Variants in USP37 observed in about 807,000 individuals in gnomAD.
The protein encoded by USP37 is ubiquitin carboxyl-terminal hydrolase 37.
In USP37, 27 loss-of-function variants were observed where a neutral mutation model predicts 124.0. The observed-to-expected ratio is 0.22, with a 90% CI of 0.16 to 0.30. The LOEUF (loss-of-function observed/expected upper bound fraction) is 0.30. USP37 is among the 10% of genes least tolerant of loss of function. The probability of loss-of-function intolerance (pLI) is 1.00; values close to 1 mark genes in which losing one functional copy is unlikely to be tolerated. For missense variants in USP37, 889 were observed against 1,140.4 expected, an observed-to-expected ratio of 0.78 and a Z score of 3.17; for synonymous variants, 365 against 388.0, an observed-to-expected ratio of 0.94 and a Z score of 0.70.
chr2:218,467,175 C>A (rs1269615761), intron 20 of USP37, among the ~76,000 whole-genome samples: 1 of 151,334 alleles, frequency 6.6e-6, no homozygotes, highest in African/African-American at 2.4e-5. Flanking sequence ...ATCCCCTCCC[C>A]CCTCCTCCCT....
intron 2 of USP37, among the ~76,000 whole-genome samples, chr2:218,562,456 C>T (rs1330418906): frequency 6.6e-6 from 1 of 152,130 alleles, no homozygotes; most frequent in African/African-American, 2.4e-5. Flanking sequence ...CTCAAAGCAA[C>T]AATATTAGCA....
At chr2:218,565,563 T>C (rs1317177725) in intron 1 of USP37, among the ~76,000 whole-genome samples, 1 of 152,184 alleles carries the variant, frequency 6.6e-6, no homozygotes, top group African/African-American at 2.4e-5. Context: ...TCCTCTAACT[T>C]TTCAGAATGA....
At chr2:218,480,398 CAAAAAAAAAAAAAAA>C (rs397868988) in intron 17 of USP37, among the ~76,000 whole-genome samples, 5 of 48,830 alleles carry the variant, frequency 1.0e-4, no homozygotes, top group Admixed American at 3.0e-4. Flanking sequence ...GACTCCGTCT[CAAAAAAAAAAAAAAA>C]AAAAAAAAAA....
chr2:218,492,745 G>A (rs903190968), intron 14 of USP37, among the ~76,000 whole-genome samples: 4 of 152,130 alleles, frequency 2.6e-5, no homozygotes, highest in Admixed American at 6.6e-5. Context: ...AGTGGCTTAC[G>A]CCTGTAAACT....
chr2:218,566,171 A>C (rs1428974929), intron 1 of USP37, among the ~76,000 whole-genome samples: 1 of 152,236 alleles, frequency 6.6e-6, no homozygotes, highest in East Asian at 1.9e-4. Context: ...CTTCCCTGAG[A>C]AGGTATCACT....
chr2:218,476,753 A>C, intron 19 of USP37, 87 bp downstream of exon 19: 1 of 1,373,156 alleles, frequency 7.3e-7, no homozygotes, highest in Non-Finnish European at 9.6e-7. Context: ...AAAACTAATT[A>C]GTTTGATGAT....
Position 218,469,780 on chromosome 2 carries a change from G to C in USP37, c.2300-3604C>G, listed in dbSNP as rs372161242. On this transcript the variant is annotated intron_variant, in intron 20 of 25. Transcript: ENST00000258399. The stretch of plus-strand genomic sequence containing the variant: ...ATCCACTTTTAAGGACTGTACAATG[G>C]ATCAAAGGGGATTCATGTGTTTAAC... Among the ~76,000 whole-genome samples, 7 of 150,508 alleles carry C rather than the reference G, an allele frequency of 4.7e-5. No homozygotes were observed. The East Asian group carries it at 5.8e-4, about 13-fold the overall frequency.
Position 218,455,643 on chromosome 2 carries a change from A to G in USP37, c.2789T>C (p.Ile930Thr), listed in dbSNP as rs754038401. ...ATCACTCTGCACGGCAGCCTCTTGG[A>G]TTTTTGATACCTCCAGGTCATTGTA... ...FTYNDLEVSK[I>T]QEAAVQSDRD... Residue 930 changes from isoleucine (I) to threonine (T), a missense_variant, in exon 25 of 26, where the codon ATC (isoleucine) becomes ACC (threonine). This residue lies in a region of USP37 where 504 missense variants were observed against 714.3 expected (regional missense o/e 0.71). Coordinates refer to ENST00000258399, the MANE Select transcript of USP37 (RefSeq NM_020935.3). 5 of 1,614,122 alleles carry G rather than the reference A, an allele frequency of 3.1e-6. No homozygotes were observed. Among genetic ancestry groups the G allele is most frequent in the Non-Finnish European group, 4.2e-6 (5 of 1,180,022 alleles).
intron 21 of USP37, 97 bp downstream of exon 21, chr2:218,465,913 G>A (rs541831077): frequency 1.4e-6 from 2 of 1,409,098 alleles, no homozygotes; most frequent in African/African-American, 2.9e-5. Flanking sequence ...CTGGAACAAT[G>A]TCTGACACAT....
chr2:218,553,822 A>T, intron 4 of USP37, 98 bp from the exon 5 acceptor site: 1 of 1,182,524 alleles, frequency 8.5e-7, no homozygotes, highest in Non-Finnish European at 1.1e-6. Context: ...TCCATGTTAC[A>T]TTTATCACTC....
intron 4 of USP37, among the ~76,000 whole-genome samples, chr2:218,557,929 T>TGAAAAAAAAAAAAAAAA (rs1693103398): frequency 3.9e-4 from 1 of 2,572 alleles, no homozygotes; most frequent in Non-Finnish European, 1.2e-3. Context: ...AGACTCTGTC[T>TGAAAAAAAAAAAAAAAA]CAAAAAAAAA....
intron 17 of USP37, among the ~76,000 whole-genome samples, chr2:218,480,398 CAAAAA>C (rs397868988): frequency 0.011 from 542 of 48,844 alleles, 5 homozygotes; most frequent in African/African-American, 0.025. Flanking sequence ...GACTCCGTCT[CAAAAA>C]AAAAAAAAAA....
intron 13 of USP37, among the ~76,000 whole-genome samples, 168 bp downstream of exon 13, chr2:218,497,566 G>GT (rs1689147244): frequency 6.8e-6 from 1 of 147,238 alleles, no homozygotes; most frequent in Non-Finnish European, 1.5e-5. Flanking sequence ...GCTAATTTTT[G>GT]TATTTTTAGT....
At chr2:218,524,981 AAAG>A (rs1344936776) in intron 10 of USP37, among the ~76,000 whole-genome samples, 28 of 152,244 alleles carry the variant, frequency 1.8e-4, no homozygotes, top group African/African-American at 6.5e-4. Context: ...TTAGGAAAGA[AAAG>A]AAGATCTTCT....
intron 16 of USP37, 106 bp downstream of exon 16, chr2:218,485,558 T>A: frequency 2.4e-6 from 3 of 1,227,826 alleles, no homozygotes; most frequent in Non-Finnish European, 3.3e-6. Context: ...CTTCATTTAT[T>A]CAGTAATATT....
chr2:218,488,769 G>A (rs988217522), intron 14 of USP37, among the ~76,000 whole-genome samples: 4 of 152,040 alleles, frequency 2.6e-5, no homozygotes, highest in African/African-American at 9.7e-5. Flanking sequence ...GCAAGTAGCT[G>A]GGATTACAGG....
At position 218,546,277 on chromosome 2, in the gene USP37, C is replaced by A; in HGVS notation, c.624G>T (p.Met208Ile). ...CATTCAATTCTGAGCCAGTTGATAT[C>A]ATTCTTTTCCTCTTTTCAGTACTAC... ...LENRTEKRKR[M>I]ISTGSELNED... The change falls in exon 8 of 26, where the codon ATG becomes ATT. Residue 208 changes from methionine (M) to isoleucine (I), a missense_variant. Transcript: ENST00000258399. 1 of 1,612,804 alleles carries A rather than the reference C, an allele frequency of 6.2e-7. No homozygotes were observed.
chr2:218,488,514 G>T, intron 14 of USP37, 93 bp from the exon 15 acceptor site: 1 of 766,896 alleles, frequency 1.3e-6, no homozygotes, highest in Non-Finnish European at 2.1e-6. Context: ...CAGAACTTAT[G>T]GTACTGACAC....
intron 4 of USP37, among the ~76,000 whole-genome samples, chr2:218,554,821 A>AT (rs1465111642): frequency 2.6e-5 from 4 of 152,090 alleles, no homozygotes; most frequent in African/African-American, 9.7e-5. Flanking sequence ...TTGGCAAATT[A>AT]TTTAGGTAGT....
Sources: allele counts gnomAD v4.1 joint callset (sites outside exome capture counted in the v4.1 genomes callset), GRCh38; gene constraint gnomAD v4.1.1; regional missense constraint gnomAD v4.1.1; transcripts MANE v1.5; gene names NCBI Gene and HGNC (gene_info 2026-07-23, HGNC 2026-07-21).